The following CDH18 variants were observed in gnomAD, a reference collection of about 807,000 sequenced individuals.
The protein encoded by CDH18 is cadherin 18.
Under a neutral mutation model 67.9 loss-of-function variants are expected in CDH18, and 31 were observed. The ratio of observed to expected loss-of-function variants is 0.46; its 90% CI spans 0.34 to 0.62. CDH18 has a LOEUF of 0.62. CDH18 is among the 20% of genes least tolerant of loss of function. The pLI, the probability that CDH18 is intolerant of heterozygous loss-of-function variation, is 0.01. For missense variants in CDH18, 890 were observed against 975.5 expected (o/e 0.91, Z 1.17); for synonymous variants, 362 against 347.2 (o/e 1.04, Z -0.48).
At chr5:20,285,083 G>A (rs1746584442) in intron 1 of CDH18, among the ~76,000 whole-genome samples, 1 of 151,650 alleles carries the variant, frequency 6.6e-6, no homozygotes, top group Non-Finnish European at 1.5e-5. Context: ...CATAAATAAA[G>A]AGTATATTGG....
chr5:19,550,030 G>A (rs1335193034), intron 8 of CDH18, among the ~76,000 whole-genome samples: 1 of 151,994 alleles, frequency 6.6e-6, no homozygotes, highest in Non-Finnish European at 1.5e-5. Context: ...TGACATATTA[G>A]AGAAAAACAG....
At chr5:20,219,525 A>C (rs945943504) in intron 2 of CDH18, among the ~76,000 whole-genome samples, 2 of 151,618 alleles carry the variant, frequency 1.3e-5, no homozygotes, top group African/African-American at 4.8e-5. Flanking sequence ...GTCAAAAAAA[A>C]AAAAAGAAAA....
chr5:20,255,014 GAACAACAAC>G (rs568545808), intron 2 of CDH18, among the ~76,000 whole-genome samples: 1 of 151,952 alleles, frequency 6.6e-6, no homozygotes, highest in Non-Finnish European at 1.5e-5. Flanking sequence ...ATTAAATCAG[GAACAACAAC>G]AACAACAAAA....
chr5:20,501,546 T>TTATATATATAATA (rs1384304692), intron 1 of CDH18, among the ~76,000 whole-genome samples: 4 of 23,130 alleles, frequency 1.7e-4, no homozygotes, highest in Non-Finnish European at 3.5e-4. Flanking sequence ...TATATACATA[T>TTATATATATAATA]TATATATATA....
rs530083074 is a variant in CDH18, at chr5:19,502,453, T to C, written c.1630+539A>G. On this transcript the variant is annotated intron_variant, in intron 11 of 12. Transcript: ENST00000382275. ...TATGGGATTATTTTTAACCACACTA[T>C]ACAGAAGGCTAAATGAAAATGATTC... is the stretch of plus-strand genomic sequence containing the variant. Among the ~76,000 whole-genome samples, 12 of 152,250 alleles carry C rather than the reference T, an allele frequency of 7.9e-5. No homozygotes were observed. The South Asian group carries it at 1.0e-3, about 13-fold the overall frequency.
At chr5:19,571,540 A>C (rs1741388265) in intron 8 of CDH18, 39 bp downstream of exon 8, 1 of 1,562,974 alleles carries the variant, frequency 6.4e-7, no homozygotes, top group Non-Finnish European at 8.7e-7. Flanking sequence ...AGAGGCAATA[A>C]AAATCTTTCT....
intron 2 of CDH18, among the ~76,000 whole-genome samples, chr5:20,226,190 G>A (rs2126475803): frequency 6.6e-6 from 1 of 151,968 alleles, no homozygotes; most frequent in Non-Finnish European, 1.5e-5. Context: ...AAACACACTG[G>A]CCTTCAGAAA....
At position 20,410,453 on chromosome 5, in the gene CDH18, C is replaced by A. The variant is rs149433478; in HGVS notation, c.-579-154948G>T. Among the ~76,000 whole-genome samples, 128 of 151,664 alleles carry A rather than the reference C, an allele frequency of 8.4e-4. 1 individual carries two copies. The highest frequency in any genetic ancestry group is 3.0e-3 in the African/African-American group (125 of 41,462). On this transcript the variant is annotated intron_variant, in intron 1 of 14. Coordinates refer to the CDH18 transcript ENST00000507958. Reference sequence around the variant, plus strand: ...AGCACACTTTCATGATAAAAACTATCAAAAAACTAATAATAGAAGAAAAGT... The same window carrying A: ...AGCACACTTTCATGATAAAAACTATAAAAAAACTAATAATAGAAGAAAAGT...
At chr5:20,205,923 A>G (rs1165873650) in intron 2 of CDH18, among the ~76,000 whole-genome samples, 2 of 151,924 alleles carry the variant, frequency 1.3e-5, no homozygotes, top group South Asian at 2.1e-4. Flanking sequence ...TAAACAAGTG[A>G]CACACATTAA....
At chr5:20,023,430 CG>C (rs1394341148) in intron 2 of CDH18, among the ~76,000 whole-genome samples, 5 of 151,900 alleles carry the variant, frequency 3.3e-5, no homozygotes, top group African/African-American at 1.2e-4. Flanking sequence ...TAGGCCGAGG[CG>C]GGCGGATCAC....
chr5:20,051,700 T>C (rs1741432186), intron 2 of CDH18, among the ~76,000 whole-genome samples: 1 of 151,994 alleles, frequency 6.6e-6, no homozygotes, highest in South Asian at 2.1e-4. Flanking sequence ...AAGCTGAAGA[T>C]GTCTATATCT....
At chr5:20,543,074 A>C (rs144274331) in intron 1 of CDH18, among the ~76,000 whole-genome samples, 186 of 152,174 alleles carry the variant, frequency 1.2e-3, no homozygotes, top group African/African-American at 4.3e-3. Context: ...AAATTGTTTT[A>C]ATAAATGGCT....
At chr5:19,728,793 G>A (rs938753822) in intron 4 of CDH18, among the ~76,000 whole-genome samples, 3 of 152,090 alleles carry the variant, frequency 2.0e-5, no homozygotes, top group Admixed American at 6.6e-5. Flanking sequence ...GGAGATTTAC[G>A]AAGGCTCAGA....
At chr5:19,998,095 A>G (rs1185678781) in intron 2 of CDH18, among the ~76,000 whole-genome samples, 1 of 152,194 alleles carries the variant, frequency 6.6e-6, no homozygotes, top group Non-Finnish European at 1.5e-5. Context: ...TTGGTGATTT[A>G]AACCAGGATA....
rs191226569 is a variant in CDH18 at position 20,390,144 on chromosome 5, T to C, written c.-579-134639A>G. On this transcript the variant is annotated intron_variant, in intron 1 of 14. Coordinates refer to the CDH18 transcript ENST00000507958. The stretch of plus-strand genomic sequence containing the variant: ...AAAGCCAAAACTGACAAATGGGATC[T>C]AATTAAACTAAAGAGTTTCTGCACA... Among the ~76,000 whole-genome samples the C allele has an allele frequency of 1.7e-3, 266 of 152,240 alleles. 2 individuals carry two copies. Among genetic ancestry groups the C allele is most frequent in the Non-Finnish European group, 1.5e-3 (100 of 68,022 alleles).
chr5:20,134,773 C>T (rs1749561468), intron 2 of CDH18, among the ~76,000 whole-genome samples: 1 of 152,028 alleles, frequency 6.6e-6, no homozygotes, highest in Non-Finnish European at 1.5e-5. Context: ...TTTGGTCTTT[C>T]CTAAGTACTC....
At chr5:20,050,528 T>C (rs1214086214) in intron 2 of CDH18, among the ~76,000 whole-genome samples, 1 of 151,894 alleles carries the variant, frequency 6.6e-6, no homozygotes, top group African/African-American at 2.4e-5. Flanking sequence ...TTTAATGCTT[T>C]CAATGAGTCA....
chr5:19,982,160 G>T (rs1405710475), intron 1 of CDH18, among the ~76,000 whole-genome samples: 2 of 152,088 alleles, frequency 1.3e-5, no homozygotes, highest in African/African-American at 4.8e-5. Context: ...TTGGGAACTG[G>T]TTTATTTTAT....
At chr5:19,890,913 A>G (rs1206124041) in intron 2 of CDH18, among the ~76,000 whole-genome samples, 1 of 152,168 alleles carries the variant, frequency 6.6e-6, no homozygotes, top group African/African-American at 2.4e-5. Flanking sequence ...CCAATTTAAA[A>G]CCAGTTTCTG....
Sources: allele counts gnomAD v4.1 joint callset (sites outside exome capture counted in the v4.1 genomes callset), GRCh38; gene constraint gnomAD v4.1.1; transcripts MANE v1.5; gene names NCBI Gene and HGNC (gene_info 2026-07-23, HGNC 2026-07-21).